The following IQSEC1 variants were observed in gnomAD, a reference collection of about 807,000 sequenced individuals.
IQSEC1 encodes IQ motif and Sec7 domain ArfGEF 1, also known as IQ motif and SEC7 domain-containing protein 1.
In IQSEC1, 31 loss-of-function variants were observed where a neutral mutation model predicts 91.0. The observed-to-expected ratio is 0.34, with a 90% CI of 0.26 to 0.46. The LOEUF (loss-of-function observed/expected upper bound fraction) is 0.46, where lower values mean the gene tolerates loss of function less well. Among genes scored for constraint, IQSEC1 ranks in the 20% least tolerant of loss-of-function variants. IQSEC1 has a pLI of 1.00. For missense variants in IQSEC1, 1,388 were observed against 1,575.6 expected, an observed-to-expected ratio of 0.88 and a Z score of 2.02; for synonymous variants, 699 against 662.6, an observed-to-expected ratio of 1.05 and a Z score of -0.84.
At chr3:13,023,571 G>A (rs1391039081) in intron 1 of IQSEC1, among the ~76,000 whole-genome samples, 1 of 152,112 alleles carries the variant, frequency 6.6e-6, no homozygotes, top group Non-Finnish European at 1.5e-5. Context: ...GCCATCACCT[G>A]TCTGCAGAAA....
chr3:12,953,405 G>A (rs1699692287), intron 1 of IQSEC1, among the ~76,000 whole-genome samples: 1 of 152,220 alleles, frequency 6.6e-6, no homozygotes, highest in South Asian at 2.1e-4. Context: ...GCCCTGCTGA[G>A]GCCCGATAAG....
chr3:13,078,819 G>C (rs1705602955), intron 2 of IQSEC1, among the ~76,000 whole-genome samples: 1 of 152,184 alleles, frequency 6.6e-6, no homozygotes, highest in Admixed American at 6.5e-5. Flanking sequence ...AGCTGCCCCA[G>C]GGGGTTCTTC....
intron 1 of IQSEC1, among the ~76,000 whole-genome samples, chr3:13,261,382 G>C (rs981512223): frequency 6.6e-6 from 1 of 152,318 alleles, no homozygotes; most frequent in African/African-American, 2.4e-5. Flanking sequence ...ATTGGCTATG[G>C]GAGGCCTCTG....
intron 2 of IQSEC1, among the ~76,000 whole-genome samples, chr3:13,123,692 G>A (rs147270707): frequency 1.2e-4 from 18 of 152,344 alleles, no homozygotes; most frequent in African/African-American, 3.6e-4. Context: ...TATGGAAAGT[G>A]AGGCCCAGAG....
intron 2 of IQSEC1, among the ~76,000 whole-genome samples, chr3:13,134,041 T>A (rs1425385763): frequency 6.6e-6 from 1 of 152,186 alleles, no homozygotes. Context: ...GAAGGCTGTG[T>A]TTTCAAATAC....
chr3:12,941,445 T>A, intron 2 of IQSEC1, 126 bp downstream of exon 2: 2 of 974,178 alleles, frequency 2.1e-6, no homozygotes, highest in Non-Finnish European at 3.0e-6. Flanking sequence ...GCCCTCAGCC[T>A]TAGCCCACAT....
intron 1 of IQSEC1, among the ~76,000 whole-genome samples, chr3:13,262,909 G>GT (rs1332969806): frequency 1.3e-5 from 2 of 152,114 alleles, no homozygotes; most frequent in Non-Finnish European, 2.9e-5. Flanking sequence ...GGGAGTGAAT[G>GT]TTTAACAGGG....
chr3:13,052,128 G>T (rs1559742012), intron 1 of IQSEC1, among the ~76,000 whole-genome samples: 1 of 152,164 alleles, frequency 6.6e-6, no homozygotes, highest in South Asian at 2.1e-4. Flanking sequence ...ACCTAGCTGT[G>T]TGTGGCCAGC....
chr3:13,242,415 G>T (rs1374311939), intron 1 of IQSEC1, among the ~76,000 whole-genome samples: 1 of 152,242 alleles, frequency 6.6e-6, no homozygotes, highest in Non-Finnish European at 1.5e-5. Flanking sequence ...CAAGAGCAAG[G>T]TGGGCATACG....
At chr3:13,155,912 C>A (rs1440208506) in intron 2 of IQSEC1, among the ~76,000 whole-genome samples, 1 of 152,138 alleles carries the variant, frequency 6.6e-6, no homozygotes, top group East Asian at 1.9e-4. Flanking sequence ...AAATTCAACA[C>A]TTTTTCATAA....
At chr3:13,144,348 C>CGTG in intron 2 of IQSEC1, among the ~76,000 whole-genome samples, 1 of 152,276 alleles carries the variant, frequency 6.6e-6, no homozygotes, top group Non-Finnish European at 1.5e-5. Context: ...ATCTGGTCAC[C>CGTG]GCCACGTGGC....
intron 3 of IQSEC1, among the ~76,000 whole-genome samples, chr3:12,929,923 T>C (rs944669167): frequency 1.3e-5 from 2 of 152,230 alleles, no homozygotes; most frequent in Admixed American, 6.5e-5. Context: ...CAGCTTTTCC[T>C]CACATCAGAT....
At chr3:13,278,261 C>A (rs535353475) in intron 1 of IQSEC1, among the ~76,000 whole-genome samples, 70 of 152,306 alleles carry the variant, frequency 4.6e-4, no homozygotes, top group African/African-American at 1.6e-3. Context: ...CCCCCCCACC[C>A]CCAGCCTCCT....
chr3:13,122,225 C>A (rs909654091), intron 2 of IQSEC1, among the ~76,000 whole-genome samples: 1 of 152,252 alleles, frequency 6.6e-6, no homozygotes, highest in Admixed American at 6.5e-5. Context: ...GGTAACGGAG[C>A]CACGTGAGTG....
chr3:13,038,624 T>A (rs1704135567), intron 1 of IQSEC1, among the ~76,000 whole-genome samples: 1 of 152,046 alleles, frequency 6.6e-6, no homozygotes, highest in African/African-American at 2.4e-5. Flanking sequence ...TAATAACTGA[T>A]TTGTACGTCT....
rs368113683 is a variant in IQSEC1 at position 13,107,194 on chromosome 3, G to A, written c.302+56910C>T. 5.3e-5 allele frequency among the ~76,000 whole-genome samples: 8 copies of A among 152,344 alleles called. No individual in the cohort carries two copies. The South Asian group carries it at 1.0e-3, about 20-fold the overall frequency. The stretch of plus-strand genomic sequence containing the variant: ...CACTCCCGAGAGATGTCTATAGACT[G>A]TAGGATCTGCACAAGAGGTATTCCT... On this transcript the variant is annotated intron_variant, in intron 2 of 15. Transcript: ENST00000648114.
chr3:13,254,982 C>T (rs1331918152), intron 1 of IQSEC1, among the ~76,000 whole-genome samples: 3 of 152,258 alleles, frequency 2.0e-5, no homozygotes, highest in African/African-American at 7.2e-5. Context: ...CACATCCACA[C>T]AGCCCTCCCC....
chr3:12,948,748 T>C (rs1699346944), intron 1 of IQSEC1, among the ~76,000 whole-genome samples: 1 of 152,182 alleles, frequency 6.6e-6, no homozygotes, highest in South Asian at 2.1e-4. Context: ...TCTATATGGC[T>C]AGTGATGTTC....
chr3:13,236,469 G>C (rs1192355727), intron 1 of IQSEC1, among the ~76,000 whole-genome samples: 1 of 152,214 alleles, frequency 6.6e-6, no homozygotes, highest in Non-Finnish European at 1.5e-5. Flanking sequence ...TGGGGACACG[G>C]TGGTTCCAGA....
Sources: gnomAD v4.1 joint callset for allele counts (sites outside exome capture counted in the v4.1 genomes callset) on GRCh38, gnomAD v4.1.1 for gene constraint, MANE v1.5 for transcripts, NCBI Gene and HGNC (gene_info 2026-07-23, HGNC 2026-07-21) for gene names.